Variants in PCDHGC4 observed in about 807,000 individuals in gnomAD.
The protein encoded by PCDHGC4 is protocadherin gamma subfamily C, 4.
In PCDHGC4, 15 loss-of-function variants were observed where a neutral mutation model predicts 59.7. The ratio of observed to expected loss-of-function variants is 0.25; its 90% CI spans 0.17 to 0.39. The LOEUF (loss-of-function observed/expected upper bound fraction) is 0.39. PCDHGC4 is among the 10% of genes least tolerant of loss of function. The probability of loss-of-function intolerance (pLI) is 1.00; values close to 1 mark genes in which losing one functional copy is unlikely to be tolerated. For missense variants in PCDHGC4, 1,016 were observed against 1,189.5 expected (o/e 0.85, Z 2.15); for synonymous variants, 434 against 481.4 (o/e 0.90, Z 1.29).
Position 141,485,094 on chromosome 5 carries a change from C to A in PCDHGC4, c.-80C>A. ...GGCGCGGGGAAAGGGAGATAGGTGT[C>A]TCCAGCTGCTGTGGCTGTTTGGGGC... On this transcript the variant is annotated 5_prime_UTR_variant, in exon 1 of 4. Coordinates refer to ENST00000306593, the MANE Select transcript of PCDHGC4 (RefSeq NM_018928.3). The surrounding 1 kb of genome is among the most constrained non-coding windows in gnomAD (Gnocchi z 5.7). 9.1e-7 allele frequency: 1 copy of A among 1,100,766 alleles called. No individual in the cohort carries two copies. Among genetic ancestry groups the A allele is most frequent in the Non-Finnish European group, 1.4e-6 (1 of 736,922 alleles). The allele number at this position is 1,100,766 out of a possible 1,614,324, so 68.2% of individuals were successfully genotyped here. A position where few individuals can be genotyped will look rare whatever the true frequency, so the allele number is the denominator to read the frequency against.
rs527630741 is a variant in PCDHGC4, at chr5:141,493,568, G to A, written c.2443-1239G>A. ...TTGGAGATTGAGTTCCCCCAGCTCC[G>A]TTTCCTCCTATCACAATCACTGCAT... is the stretch of plus-strand genomic sequence containing the variant. On this transcript the variant is annotated intron_variant, in intron 1 of 3. Coordinates refer to ENST00000306593, the MANE Select transcript of PCDHGC4 (RefSeq NM_018928.3). This position sits in a 1 kb window ranked among gnomAD's most constrained non-coding sequence, Gnocchi z 4.3. 3.9e-5 allele frequency among the ~76,000 whole-genome samples: 6 copies of A among 152,250 alleles called. No homozygotes were observed. Among genetic ancestry groups the A allele is most frequent in the African/African-American group, 9.6e-5 (4 of 41,550 alleles).
chr5:141,502,866 CTTTT>C (rs549047197), intron 2 of PCDHGC4, among the ~76,000 whole-genome samples: 1 of 128,042 alleles, frequency 7.8e-6, no homozygotes. Context: ...GACTCTCTGT[CTTTT>C]TTTTTTTTTT....
Position 141,485,399 on chromosome 5 carries a change from C to T in PCDHGC4, c.226C>T (p.Arg76Cys). The change falls in exon 1 of 4, where the codon CGT becomes TGT. Residue 76 changes from arginine (R) to cysteine (C), a missense_variant. Coordinates refer to ENST00000306593, the MANE Select transcript of PCDHGC4 (RefSeq NM_018928.3). This position sits in a 1 kb window ranked among gnomAD's most constrained non-coding sequence, Gnocchi z 5.7. ...TGGAGAGGTGAACCAAAGACACTTC[C>T]GTGTGGATTTGGACAGCGGAGCCCT... ...VAGEVNQRHF[R>C]VDLDSGALLI... 3 of 1,614,000 alleles carry T rather than the reference C, an allele frequency of 1.9e-6. No homozygotes were observed. The highest frequency in any genetic ancestry group is 2.5e-6 in the Non-Finnish European group (3 of 1,179,922).
In PCDHGC4 at chr5:141,491,491, G is replaced by C. The variant is rs2099717103; in HGVS notation, c.2443-3316G>C. The C allele has an allele frequency of 1.2e-6, 2 of 1,614,042 alleles. No homozygotes were observed. The highest frequency in any genetic ancestry group is 1.7e-5 in the Admixed American group (1 of 60,016). The stretch of plus-strand genomic sequence containing the variant: ...TAAGCAGTCCAGCCCCAACCTGCAG[G>C]TGAGCTCGGACGGCACGCTCAAGTA... On this transcript the variant is annotated intron_variant, in intron 1 of 3. Transcript: ENST00000306593. The surrounding 1 kb of genome is among the most constrained non-coding windows in gnomAD (Gnocchi z 6.9).
At position 141,485,430 on chromosome 5, in the gene PCDHGC4, T is replaced by C; in HGVS notation, c.257T>C (p.Ile86Thr). The C allele has an allele frequency of 6.2e-7, 1 of 1,614,138 alleles. No individual in the cohort carries two copies. Among genetic ancestry groups the C allele is most frequent in the Non-Finnish European group, 8.5e-7 (1 of 1,180,022 alleles). Residue 86 changes from isoleucine (I) to threonine (T), a missense_variant, in exon 1 of 4, where the codon ATC becomes ACC. Transcript: ENST00000306593. The surrounding 1 kb of genome is among the most constrained non-coding windows in gnomAD (Gnocchi z 5.7). ...GATTTGGACAGCGGAGCCCTGCTCA[T>C]CAAGAACCCAATCGACCGAGAGGCA... is the stretch of plus-strand genomic sequence containing the variant. Reference protein sequence around the residue: ...RVDLDSGALLIKNPIDREALC... With the variant: ...RVDLDSGALLTKNPIDREALC...
chr5:141,491,332 C>T lies in PCDHGC4; in HGVS notation c.2443-3475C>T, dbSNP rs1013118722. 2 of 1,614,072 alleles carry T rather than the reference C, an allele frequency of 1.2e-6. No individual in the cohort carries two copies. The highest frequency in any genetic ancestry group is 2.7e-5 in the African/African-American group (2 of 74,944). On this transcript the variant is annotated intron_variant, in intron 1 of 3. Coordinates refer to ENST00000306593, the MANE Select transcript of PCDHGC4 (RefSeq NM_018928.3). This position sits in a 1 kb window ranked among gnomAD's most constrained non-coding sequence, Gnocchi z 6.9. ...CCTTACCCTTTACCTCATTGTGGCT[C>T]TAGCGACCGTCAGTCTCTTATCCCT...
chr5:141,489,530 G>A lies in PCDHGC4; in HGVS notation c.2442+1915G>A. 6.2e-7 allele frequency: 1 copy of A among 1,614,092 alleles called. No homozygotes were observed. Among genetic ancestry groups the A allele is most frequent in the Non-Finnish European group, 8.5e-7 (1 of 1,180,022 alleles). On this transcript the variant is annotated intron_variant, in intron 1 of 3. Transcript: ENST00000306593. This position sits in a 1 kb window ranked among gnomAD's most constrained non-coding sequence, Gnocchi z 4.5. ...AAGATTGACCGAGAAAGCCTATGTGGAGCCAGCACCAGCTGCCTGCTGCCA... is the reference window on the plus strand; with the variant it reads ...AAGATTGACCGAGAAAGCCTATGTGAAGCCAGCACCAGCTGCCTGCTGCCA...
In PCDHGC4 at chr5:141,491,623, G is replaced by C; in HGVS notation, c.2443-3184G>C. On this transcript the variant is annotated intron_variant, in intron 1 of 3. Coordinates refer to ENST00000306593, the MANE Select transcript of PCDHGC4 (RefSeq NM_018928.3). The surrounding 1 kb of genome is among the most constrained non-coding windows in gnomAD (Gnocchi z 6.9). ...CTTCACTTTTCTAAGACCCCTCAGC[G>C]TTCAGCAGCCCACAGCTCTGGCGCT... 1 of 1,613,930 alleles carries C rather than the reference G, an allele frequency of 6.2e-7. No individual in the cohort carries two copies. Among genetic ancestry groups the C allele is most frequent in the Non-Finnish European group, 8.5e-7 (1 of 1,180,020 alleles).
At position 141,490,742 on chromosome 5, in the gene PCDHGC4, C is replaced by A. The variant is rs1281337347; in HGVS notation, c.2442+3127C>A. 1.2e-6 allele frequency: 2 copies of A among 1,614,062 alleles called. No homozygotes were observed. Among genetic ancestry groups the A allele is most frequent in the Non-Finnish European group, 1.7e-6 (2 of 1,180,022 alleles). On this transcript the variant is annotated intron_variant, in intron 1 of 3. Coordinates refer to ENST00000306593, the MANE Select transcript of PCDHGC4 (RefSeq NM_018928.3). This position sits in a 1 kb window ranked among gnomAD's most constrained non-coding sequence, Gnocchi z 5.4. ...ATTGTAGGAAATCAGGTTCAGGGAGCCCCAGCCTCCTCCTTTGTGTATGTC... is the reference window on the plus strand; with the variant it reads ...ATTGTAGGAAATCAGGTTCAGGGAGACCCAGCCTCCTCCTTTGTGTATGTC...
At position 141,490,171 on chromosome 5, in the gene PCDHGC4, G is replaced by A. The variant is rs374421995; in HGVS notation, c.2442+2556G>A. 4 of 1,614,100 alleles carry A rather than the reference G, an allele frequency of 2.5e-6. No individual in the cohort carries two copies. The highest frequency in any genetic ancestry group is 3.4e-6 in the Non-Finnish European group (4 of 1,180,034). On this transcript the variant is annotated intron_variant, in intron 1 of 3. Coordinates refer to ENST00000306593, the MANE Select transcript of PCDHGC4 (RefSeq NM_018928.3). The surrounding 1 kb of genome is among the most constrained non-coding windows in gnomAD (Gnocchi z 5.4). ...CCATGTGTTGGGTCCCATAGACTTT[G>A]AGGAGTCACGTTTCTATGAAATTCA...
chr5:141,490,565 T>C lies in PCDHGC4; in HGVS notation c.2442+2950T>C. ...CTACACAAACATCTCACCATCAGGC[T>C]CAACATTTCAGATGTCAATGACAAT... On this transcript the variant is annotated intron_variant, in intron 1 of 3. Coordinates refer to ENST00000306593, the MANE Select transcript of PCDHGC4 (RefSeq NM_018928.3). This position sits in a 1 kb window ranked among gnomAD's most constrained non-coding sequence, Gnocchi z 5.4. 8 of 1,614,116 alleles carry C rather than the reference T, an allele frequency of 5.0e-6. No individual in the cohort carries two copies. Among genetic ancestry groups the C allele is most frequent in the Non-Finnish European group, 6.8e-6 (8 of 1,180,024 alleles).
At chr5:141,496,021 G>T (rs1011612662) in intron 2 of PCDHGC4, among the ~76,000 whole-genome samples, 2 of 151,336 alleles carry the variant, frequency 1.3e-5, no homozygotes, top group African/African-American at 4.9e-5. Flanking sequence ...TTTTCTCTGA[G>T]CCTCTGTCTC....
rs1316659737 is a variant in PCDHGC4 at position 141,490,964 on chromosome 5, C to T, written c.2442+3349C>T. ...CCACGGCCAGACTGGGAACACTCAG[C>T]CCCCCAGCGTCTCCCTCGCTCTGCT... On this transcript the variant is annotated intron_variant, in intron 1 of 3. Transcript: ENST00000306593. The surrounding 1 kb of genome is among the most constrained non-coding windows in gnomAD (Gnocchi z 5.4). 2.5e-6 allele frequency: 4 copies of T among 1,613,608 alleles called. No homozygotes were observed. Among genetic ancestry groups the T allele is most frequent in the East Asian group, 2.2e-5 (1 of 44,882 alleles).
Position 141,486,274 on chromosome 5 carries a change from T to A in PCDHGC4, c.1101T>A (p.Thr367=). Residue 367 remains threonine, a synonymous_variant, in exon 1 of 4, where the codon ACT becomes ACA. Coordinates refer to ENST00000306593, the MANE Select transcript of PCDHGC4 (RefSeq NM_018928.3). The surrounding 1 kb of genome is among the most constrained non-coding windows in gnomAD (Gnocchi z 5.0). ...TCCCCGAGAGTGCAGAACCTGGCAC[T>A]GTGGTGGCACTTATCAGTGTGCAGG... is the stretch of plus-strand genomic sequence containing the variant. ...GTLPESAEPG[T]VVALISVQDP... 5 of 1,614,064 alleles carry A rather than the reference T, an allele frequency of 3.1e-6. No homozygotes were observed. The highest frequency in any genetic ancestry group is 4.2e-6 in the Non-Finnish European group (5 of 1,179,998).
chr5:141,494,185 GAC>G (rs2099752607), intron 1 of PCDHGC4, among the ~76,000 whole-genome samples: 1 of 152,154 alleles, frequency 6.6e-6, no homozygotes, highest in Non-Finnish European at 1.5e-5. Context: ...AGTGTCCCGG[GAC>G]TTGGATGCCC....
In PCDHGC4 at chr5:141,490,028, G is replaced by A. The variant is rs752883792; in HGVS notation, c.2442+2413G>A. ...GCACCCATTGGTACTCTGCTGCTCC[G>A]CCTCAATGCCACTGATCCAGACGAG... On this transcript the variant is annotated intron_variant, in intron 1 of 3. Coordinates refer to ENST00000306593, the MANE Select transcript of PCDHGC4 (RefSeq NM_018928.3). The surrounding 1 kb of genome is among the most constrained non-coding windows in gnomAD (Gnocchi z 5.4). 20 of 1,614,070 alleles carry A rather than the reference G, an allele frequency of 1.2e-5. 1 individual carries two copies. Among genetic ancestry groups the A allele is most frequent in the South Asian group, 3.3e-5 (3 of 91,090 alleles).
At chr5:141,498,670 G>A (rs1266576450) in intron 2 of PCDHGC4, among the ~76,000 whole-genome samples, 1 of 152,066 alleles carries the variant, frequency 6.6e-6, no homozygotes, top group Non-Finnish European at 1.5e-5. Flanking sequence ...GGTGGCTCAC[G>A]CCTGTAATCC....
rs972633773 is a variant in PCDHGC4, at chr5:141,489,751, A to T, written c.2442+2136A>T. ...GGGCACCAATACTGTGAGCTTTTAC[A>T]CTCTAAGCCCCAACAGCCACTTCTC... On this transcript the variant is annotated intron_variant, in intron 1 of 3. Coordinates refer to ENST00000306593, the MANE Select transcript of PCDHGC4 (RefSeq NM_018928.3). The surrounding 1 kb of genome is among the most constrained non-coding windows in gnomAD (Gnocchi z 4.5). The T allele has an allele frequency of 1.9e-6, 3 of 1,613,740 alleles. No individual in the cohort carries two copies. Among genetic ancestry groups the T allele is most frequent in the African/African-American group, 2.7e-5 (2 of 74,840 alleles).
At position 141,491,832 on chromosome 5, in the gene PCDHGC4, C is replaced by T. The variant is rs755882255; in HGVS notation, c.2443-2975C>T. On this transcript the variant is annotated intron_variant, in intron 1 of 3. Coordinates refer to ENST00000306593, the MANE Select transcript of PCDHGC4 (RefSeq NM_018928.3). The surrounding 1 kb of genome is among the most constrained non-coding windows in gnomAD (Gnocchi z 6.9). ...GTCGCTGGCTGCGCTCCACCCGATT[C>T]TCGGGATCATTGGACCGTTTGCGCG... 1.6e-5 allele frequency: 24 copies of T among 1,474,306 alleles called. No individual in the cohort carries two copies. The highest frequency in any genetic ancestry group is 2.0e-5 in the Non-Finnish European group (22 of 1,112,688). 91.3% of individuals were successfully genotyped at this position (1,474,306 alleles called of 1,614,324 possible). A position where few individuals can be genotyped will look rare whatever the true frequency, so the allele number is the denominator to read the frequency against.
Sources: gnomAD v4.1 joint callset for allele counts (sites outside exome capture counted in the v4.1 genomes callset) on GRCh38, gnomAD v4.1.1 for gene constraint, Gnocchi (gnomAD v3.1) non-coding constraint, MANE v1.5 for transcripts, NCBI Gene and HGNC (gene_info 2026-07-23, HGNC 2026-07-21) for gene names.